NAV2: variants seen among roughly 807,000 people sequenced by gnomAD.
The protein encoded by NAV2 is neuron navigator 2, also known as helicase, APC down-regulated 1.
In NAV2, 54 loss-of-function variants were observed where a neutral mutation model predicts 223.2. The observed-to-expected ratio is 0.24, with a 90% CI of 0.19 to 0.30. NAV2 has a LOEUF of 0.30. Ranked by LOEUF, NAV2 falls within the 10% of genes least tolerant of loss-of-function variation. NAV2 has a pLI of 1.00. For synonymous variants in NAV2, 1,279 were observed against 1,239.3 expected, an observed-to-expected ratio of 1.03 and a Z score of -0.67; for missense variants, 2,806 against 3,147.5, an observed-to-expected ratio of 0.89 and a Z score of 2.60.
intron 1 of NAV2, among the ~76,000 whole-genome samples, chr11:19,468,131 A>G (rs1048746975): frequency 3.3e-5 from 5 of 152,162 alleles, no homozygotes; most frequent in African/African-American, 1.2e-4. Context: ...TGAGTCAGAC[A>G]AACTTGGCTT....
intron 1 of NAV2, among the ~76,000 whole-genome samples, chr11:19,667,649 T>C (rs763814897): frequency 2.0e-5 from 3 of 152,234 alleles, no homozygotes; most frequent in Admixed American, 6.5e-5. Flanking sequence ...GAATAAGTGA[T>C]AGAATGAGAC....
intron 11 of NAV2, among the ~76,000 whole-genome samples, chr11:19,985,066 A>G (rs1565702165): frequency 1.3e-5 from 2 of 152,190 alleles, no homozygotes; most frequent in Non-Finnish European, 2.9e-5. Flanking sequence ...TGTAACATGG[A>G]ATTTAGATGC....
chr11:20,039,761 A>G (rs1413838197), intron 12 of NAV2, among the ~76,000 whole-genome samples: 4 of 152,232 alleles, frequency 2.6e-5, no homozygotes, highest in African/African-American at 4.8e-5. Flanking sequence ...CTCATTTTCA[A>G]TGCCTGTGAA....
chr11:19,450,135 T>C (rs977353943), intron 1 of NAV2, among the ~76,000 whole-genome samples: 1 of 152,212 alleles, frequency 6.6e-6, no homozygotes, highest in Admixed American at 6.5e-5. Flanking sequence ...GAAATCCATG[T>C]ACCACTGTAC....
rs542268555 is a variant in NAV2 at position 19,996,082 on chromosome 11, A to G, written c.2768+11835A>G. On this transcript the variant is annotated intron_variant, in intron 11 of 37. Transcript: ENST00000349880. The stretch of plus-strand genomic sequence containing the variant: ...GAGTTGTAAGTTACACAAGGAAAGG[A>G]TAGGCTTACAAATAAGGAAAATAAG... 2.6e-5 allele frequency among the ~76,000 whole-genome samples: 4 copies of G among 152,340 alleles called. No individual in the cohort carries two copies. The East Asian group carries it at 5.8e-4, about 22-fold the overall frequency.
intron 1 of NAV2, among the ~76,000 whole-genome samples, chr11:19,794,805 C>T (rs1443695394): frequency 6.6e-6 from 1 of 152,128 alleles, no homozygotes. Context: ...GGTAAACTTA[C>T]CTCTGCAGCC....
At chr11:19,371,946 T>A (rs1848485536) in intron 1 of NAV2, among the ~76,000 whole-genome samples, 1 of 151,864 alleles carries the variant, frequency 6.6e-6, no homozygotes, top group Non-Finnish European at 1.5e-5. Context: ...TCTGGCTAAT[T>A]TTTGTATTTT....
At chr11:19,731,183 G>T (rs887684352) in intron 1 of NAV2, among the ~76,000 whole-genome samples, 2 of 152,178 alleles carry the variant, frequency 1.3e-5, no homozygotes, top group Admixed American at 1.3e-4. Flanking sequence ...TAGGGAGAAG[G>T]AGGCCTCTCT....
At chr11:20,061,134 C>T (rs1425785743) in intron 19 of NAV2, among the ~76,000 whole-genome samples, 3 of 152,154 alleles carry the variant, frequency 2.0e-5, no homozygotes, top group South Asian at 2.1e-4. Context: ...AGTCCTGTGA[C>T]GCCTTAACAT....
At chr11:19,372,717 G>T (rs1482861418) in intron 1 of NAV2, among the ~76,000 whole-genome samples, 1 of 152,102 alleles carries the variant, frequency 6.6e-6, no homozygotes, top group Non-Finnish European at 1.5e-5. Context: ...GGAAAGAGCG[G>T]GCCTGAGAGA....
chr11:19,736,667 C>T (rs1356906231), intron 1 of NAV2, among the ~76,000 whole-genome samples: 2 of 152,190 alleles, frequency 1.3e-5, no homozygotes, highest in East Asian at 3.9e-4. Flanking sequence ...CAGTGTCATC[C>T]ACCTCATAAA....
upstream of NAV2, among the ~76,000 whole-genome samples, chr11:19,347,068 A>T (rs1383199524): frequency 6.6e-6 from 1 of 152,192 alleles, no homozygotes; most frequent in Non-Finnish European, 1.5e-5. Flanking sequence ...CAGTTTCCCC[A>T]GTCCCGGCAG....
At position 19,998,294 on chromosome 11, in the gene NAV2, C is replaced by T. The variant is rs936446669; in HGVS notation, c.2768+14047C>T. Among the ~76,000 whole-genome samples, 1 of 151,698 alleles carries T rather than the reference C, an allele frequency of 6.6e-6. No individual in the cohort carries two copies. Among genetic ancestry groups the T allele is most frequent in the Admixed American group, 6.6e-5 (1 of 15,234 alleles). On this transcript the variant is annotated intron_variant, in intron 11 of 37. Coordinates refer to ENST00000349880, the MANE Select transcript of NAV2 (RefSeq NM_145117.5). The surrounding 1 kb of genome is among the most constrained non-coding windows in gnomAD (Gnocchi z 5.0). ...GCTTCTCTCTCTCCCTCTCTCCGCCCACCTCCCTCTCCTTCTCTCTCATTG... is the reference window on the plus strand; with the variant it reads ...GCTTCTCTCTCTCCCTCTCTCCGCCTACCTCCCTCTCCTTCTCTCTCATTG...
Position 19,871,653 on chromosome 11 carries a change from C to T in NAV2, c.511+2656C>T, listed in dbSNP as rs138481047. ...GTACCTACCATAGGACTAGCAGGAACGTGTGGGCTCCATTTTCCACTTGCA... is the reference window on the plus strand; with the variant it reads ...GTACCTACCATAGGACTAGCAGGAATGTGTGGGCTCCATTTTCCACTTGCA... On this transcript the variant is annotated intron_variant, in intron 4 of 37. Transcript: ENST00000349880. Among the ~76,000 whole-genome samples, 28 of 152,274 alleles carry T rather than the reference C, an allele frequency of 1.8e-4. 1 individual carries two copies. In the East Asian group the frequency reaches 5.2e-3, roughly 28 times the overall value.
Position 19,713,336 on chromosome 11 carries a change from T to C in NAV2, c.-360T>C. On this transcript the variant is annotated 5_prime_UTR_variant, in exon 1 of 38. Coordinates refer to ENST00000349880, the MANE Select transcript of NAV2 (RefSeq NM_145117.5). The surrounding 1 kb of genome is among the most constrained non-coding windows in gnomAD (Gnocchi z 7.2). ...CTCACTTCGGAGATGCAGTGACAAG[T>C]TAATATGGGCGTCCAAGCCTCTGTT... The C allele has an allele frequency of 2.7e-6, 3 of 1,093,164 alleles. No individual in the cohort carries two copies. The highest frequency in any genetic ancestry group is 3.3e-6 in the Non-Finnish European group (3 of 900,856). 67.7% of individuals were successfully genotyped at this position (1,093,164 alleles called of 1,614,324 possible).
intron 23 of NAV2, 43 bp from the exon 24 acceptor site, chr11:20,077,950 C>T (rs1237164241): frequency 2.7e-6 from 4 of 1,497,046 alleles, no homozygotes; most frequent in Non-Finnish European, 1.9e-6. Flanking sequence ...GAACTCTGTA[C>T]AGAATGATTT....
chr11:19,508,770 A>G (rs1187108820), intron 1 of NAV2, among the ~76,000 whole-genome samples: 1 of 152,204 alleles, frequency 6.6e-6, no homozygotes, highest in Admixed American at 6.5e-5. Context: ...TGAATCCCCA[A>G]ATGCCTGTAA....
intron 1 of NAV2, among the ~76,000 whole-genome samples, chr11:19,469,582 G>A (rs1291723640): frequency 6.6e-6 from 1 of 152,128 alleles, no homozygotes; most frequent in Admixed American, 6.5e-5. Context: ...GCATTCCACT[G>A]TGGTCTCTCA....
In NAV2 at chr11:19,525,490, T is replaced by A. The variant is rs557774067; in HGVS notation, c.75+174463T>A. 9.8e-5 allele frequency among the ~76,000 whole-genome samples: 15 copies of A among 152,294 alleles called. No homozygotes were observed. In the South Asian group the frequency reaches 2.9e-3, roughly 30 times the overall value. Reference sequence around the variant, plus strand: ...GGACTGCGGTCTGTCGTTAGTGATGTGGAAACCACGCATCTTCTTTACGAA... The same window carrying A: ...GGACTGCGGTCTGTCGTTAGTGATGAGGAAACCACGCATCTTCTTTACGAA... On this transcript the variant is annotated intron_variant, in intron 1 of 37. Transcript: ENST00000360655.
Sources: gnomAD v4.1 joint callset for allele counts (sites outside exome capture counted in the v4.1 genomes callset) on GRCh38, gnomAD v4.1.1 for gene constraint, Gnocchi (gnomAD v3.1) non-coding constraint, MANE v1.5 for transcripts, NCBI Gene and HGNC (gene_info 2026-07-23, HGNC 2026-07-21) for gene names.